Variants in CCDC15 observed in about 807,000 individuals in gnomAD.
CCDC15 encodes the protein coiled-coil domain containing 15.
A neutral mutation model predicts 114.5 loss-of-function variants in CCDC15; 105 were observed. The observed-to-expected ratio is 0.92, with a 90% CI of 0.78 to 1.08. The LOEUF is 1.08. CCDC15 is among the 50% of genes least tolerant of loss of function. The pLI is 0.00. For synonymous variants in CCDC15, 334 were observed against 377.8 expected (o/e 0.88, Z 1.34); for missense variants, 1,105 against 1,093.6 (o/e 1.01, Z -0.15).
Position 124,969,219 on chromosome 11 carries a change from C to T in CCDC15, c.517-5877C>T, listed in dbSNP as rs75721258. ...TGCTCTTAATCCGCACCCCTTACCT[C>T]ACCCTCTGCTTGATAATACTTGGTA... is the stretch of plus-strand genomic sequence containing the variant. On this transcript the variant is annotated intron_variant, in intron 4 of 15. Coordinates refer to ENST00000344762, the MANE Select transcript of CCDC15 (RefSeq NM_025004.3). 1.7e-3 allele frequency among the ~76,000 whole-genome samples: 265 copies of T among 152,242 alleles called. 2 individuals are homozygous for T. The East Asian group carries it at 0.026, about 15-fold the overall frequency.
At chr11:124,996,302 T>C (rs1468716666) in intron 11 of CCDC15, among the ~76,000 whole-genome samples, 4 of 152,170 alleles carry the variant, frequency 2.6e-5, no homozygotes, top group Non-Finnish European at 4.4e-5. Context: ...CCCCATATTC[T>C]CAACTTTCAT....
chr11:124,982,893 G>T (rs149819621), intron 6 of CCDC15, among the ~76,000 whole-genome samples: 2 of 152,294 alleles, frequency 1.3e-5, no homozygotes, highest in East Asian at 3.9e-4. Context: ...AATACATTTT[G>T]CAAGTTGCTT....
At chr11:125,031,439 A>G (rs529062632) in intron 13 of CCDC15, among the ~76,000 whole-genome samples, 236 of 152,290 alleles carry the variant, frequency 1.5e-3, no homozygotes, top group Non-Finnish European at 2.4e-3. Flanking sequence ...GCCTGATCAC[A>G]TATATACCCT....
intron 12 of CCDC15, among the ~76,000 whole-genome samples, 190 bp from the exon 13 acceptor site, chr11:125,004,919 T>C (rs1311586270): frequency 6.6e-6 from 1 of 152,110 alleles, no homozygotes. Context: ...CTTGAAAATA[T>C]AAAATTCTTG....
intron 13 of CCDC15, among the ~76,000 whole-genome samples, chr11:125,017,288 T>A (rs1038462975): frequency 2.0e-5 from 3 of 152,232 alleles, no homozygotes; most frequent in African/African-American, 7.2e-5. Flanking sequence ...AAAAACATGA[T>A]CCCTGTCTTC....
rs1948811136 is a variant in CCDC15 at position 125,040,851 on chromosome 11, CATT to C, written c.*141_*143del. 2.6e-6 allele frequency: 2 copies of C among 774,996 alleles called. No individual in the cohort carries two copies. Among genetic ancestry groups the C allele is most frequent in the Non-Finnish European group, 4.0e-6 (2 of 500,272 alleles). 48.0% of individuals were successfully genotyped at this position (774,996 alleles called of 1,614,324 possible). A position where few individuals can be genotyped will look rare whatever the true frequency, so the allele number is the denominator to read the frequency against. The stretch of plus-strand genomic sequence containing the variant: ...TCTCATATAATAATTAGATTGTAAT[CATT>C]GTTTTAATCTCTGTCTGGGAACCAA... On this transcript the variant is annotated 3_prime_UTR_variant, in exon 16 of 16. Coordinates refer to ENST00000344762, the MANE Select transcript of CCDC15 (RefSeq NM_025004.3).
rs987631953 is a variant in CCDC15, at chr11:125,029,881, C to T, written c.2412-8550C>T. On this transcript the variant is annotated intron_variant, in intron 13 of 15. Coordinates refer to ENST00000344762, the MANE Select transcript of CCDC15 (RefSeq NM_025004.3). Reference sequence around the variant, plus strand: ...ATGGACCTCCTGTGTTCCATGCATACTCCTCCTTACCTCTGTTGTGGAGTA... The same window carrying T: ...ATGGACCTCCTGTGTTCCATGCATATTCCTCCTTACCTCTGTTGTGGAGTA... Among the ~76,000 whole-genome samples the T allele has an allele frequency of 3.9e-5, 6 of 152,208 alleles. No homozygotes were observed. The South Asian group carries it at 8.3e-4, about 21-fold the overall frequency.
At chr11:124,974,086 C>T (rs1317323690) in intron 4 of CCDC15, among the ~76,000 whole-genome samples, 3 of 152,094 alleles carry the variant, frequency 2.0e-5, no homozygotes, top group South Asian at 2.1e-4. Flanking sequence ...GCAGTTCTCC[C>T]GCCTCAGCCT....
At chr11:125,005,034 G>A (rs1460386400) in intron 12 of CCDC15, 75 bp from the exon 13 acceptor site, 1 of 614,136 alleles carries the variant, frequency 1.6e-6, no homozygotes, top group East Asian at 3.0e-5. Context: ...TTTTGTCTAT[G>A]GTATAAGAAT....
intron 7 of CCDC15, 75 bp from the exon 8 acceptor site, chr11:124,987,052 T>C: frequency 7.3e-7 from 1 of 1,377,908 alleles, no homozygotes; most frequent in East Asian, 2.6e-5. Context: ...CATTTTGATA[T>C]TTCGATTATT....
At chr11:125,020,420 T>C (rs1408236091) in intron 13 of CCDC15, among the ~76,000 whole-genome samples, 1 of 151,966 alleles carries the variant, frequency 6.6e-6, no homozygotes, top group African/African-American at 2.4e-5. Flanking sequence ...TAACAAGAGT[T>C]TTTAAGTTGT....
At position 124,977,465 on chromosome 11, in the gene CCDC15, AT is replaced by A. The variant is rs369938718; in HGVS notation, c.631-5del. Reference sequence around the variant, plus strand: ...TCTAGACCTATTTATATTTGTAGTAATTTTTTTTCCAGGAAGTGCTTTCCAG... The same window carrying A: ...TCTAGACCTATTTATATTTGTAGTAATTTTTTTCCAGGAAGTGCTTTCCAG... On this transcript the variant is annotated splice_polypyrimidine_tract_variant and intron_variant, in intron 5 of 15. Transcript: ENST00000344762. 59 of 1,567,058 alleles carry A rather than the reference AT, an allele frequency of 3.8e-5. No individual in the cohort carries two copies. The highest frequency in any genetic ancestry group is 1.9e-4 in the Admixed American group (10 of 51,686).
At chr11:125,022,585 T>A (rs1948668691) in intron 13 of CCDC15, among the ~76,000 whole-genome samples, 1 of 151,932 alleles carries the variant, frequency 6.6e-6, no homozygotes, top group Non-Finnish European at 1.5e-5. Flanking sequence ...CAATGCCTGA[T>A]CTTTCAGCCT....
intron 4 of CCDC15, among the ~76,000 whole-genome samples, chr11:124,963,892 A>G (rs987577579): frequency 3.9e-5 from 6 of 152,200 alleles, no homozygotes; most frequent in Admixed American, 3.9e-4. Context: ...CCATTTATTA[A>G]TAGGGAATCC....
intron 8 of CCDC15, among the ~76,000 whole-genome samples, 185 bp downstream of exon 8, chr11:124,988,319 A>G (rs920917362): frequency 3.3e-5 from 5 of 152,252 alleles, no homozygotes; most frequent in African/African-American, 1.2e-4. Context: ...TACATATAAA[A>G]GTTATGTTTA....
chr11:124,986,537 A>T (rs1591590378), intron 6 of CCDC15, among the ~76,000 whole-genome samples: 4 of 152,160 alleles, frequency 2.6e-5, no homozygotes, highest in Admixed American at 1.3e-4. Flanking sequence ...AGTTTTCATT[A>T]TACAGTCCTG....
At chr11:125,021,675 G>C (rs1054930406) in intron 13 of CCDC15, among the ~76,000 whole-genome samples, 5 of 151,830 alleles carry the variant, frequency 3.3e-5, no homozygotes, top group Non-Finnish European at 5.9e-5. Flanking sequence ...TTTGTGAAGA[G>C]AGGAGTATCT....
chr11:125,008,853 T>C (rs189961270), intron 13 of CCDC15, among the ~76,000 whole-genome samples: 2 of 152,126 alleles, frequency 1.3e-5, no homozygotes, highest in East Asian at 3.9e-4. Flanking sequence ...GTTTTTACTG[T>C]GCCCCTTAGA....
chr11:124,959,753 CA>C, intron 3 of CCDC15, 61 bp from the exon 4 acceptor site: 1 of 1,126,204 alleles, frequency 8.9e-7, no homozygotes. Flanking sequence ...GCTTTAGAGG[CA>C]TTATTTGATT....
Sources: allele counts gnomAD v4.1 joint callset (sites outside exome capture counted in the v4.1 genomes callset), GRCh38; gene constraint gnomAD v4.1.1; transcripts MANE v1.5; gene names NCBI Gene and HGNC (gene_info 2026-07-23, HGNC 2026-07-21).